MAPK9: variants seen among roughly 807,000 people sequenced by gnomAD.
The protein encoded by MAPK9 is mitogen-activated protein kinase 9.
MAPK9 carries 30 observed loss-of-function variants against 57.1 expected under a neutral mutation model. That is an observed-to-expected ratio of 0.53 (90% CI 0.39 to 0.71). The LOEUF is 0.71. MAPK9 is among the 30% of genes least tolerant of loss of function. The pLI, the probability that MAPK9 is intolerant of heterozygous loss-of-function variation, is 0.00. For missense variants in MAPK9, 362 were observed against 521.0 expected (o/e 0.69, Z 2.97); for synonymous variants, 155 against 177.0 (o/e 0.88, Z 0.99).
chr5:180,257,280 C>T (rs1475746209), intron 5 of MAPK9, among the ~76,000 whole-genome samples: 1 of 152,176 alleles, frequency 6.6e-6, no homozygotes, highest in Non-Finnish European at 1.5e-5. Flanking sequence ...GTGATGGAAC[C>T]AATCTTTCCT....
Position 180,267,540 on chromosome 5 carries a change from C to T in MAPK9, c.252+1740G>A, listed in dbSNP as rs190459583. On this transcript the variant is annotated intron_variant, in intron 3 of 11. Transcript: ENST00000452135. ...TCGCGCCACTGCCCTCCAGGTTGGG[C>T]GACAGAGCGAGACTCCGTCTCAAAA... Among the ~76,000 whole-genome samples, 385 of 123,244 alleles carry T rather than the reference C, an allele frequency of 3.1e-3. 2 individuals carry two copies. The highest frequency in any genetic ancestry group is 9.5e-3 in the African/African-American group (304 of 32,070). 80.9% of individuals were successfully genotyped at this position (123,244 alleles called of 152,430 possible).
chr5:180,261,078 C>T (rs1759903791), intron 5 of MAPK9, among the ~76,000 whole-genome samples: 1 of 152,162 alleles, frequency 6.6e-6, no homozygotes, highest in Admixed American at 6.5e-5. Context: ...TTTTTCCTGA[C>T]AGTACAGTCA....
chr5:180,281,589 C>T (rs1191542808), intron 1 of MAPK9, among the ~76,000 whole-genome samples: 1 of 152,222 alleles, frequency 6.6e-6, no homozygotes, highest in Non-Finnish European at 1.5e-5. Flanking sequence ...ATGTATTCTA[C>T]AGCTCTGTCA....
intron 7 of MAPK9, among the ~76,000 whole-genome samples, chr5:180,244,778 GAA>G (rs77077681): frequency 0.42 from 53,721 of 127,346 alleles, 11,099 homozygotes; most frequent in East Asian, 0.71. Context: ...TGTCTCAAAG[GAA>G]AAAAAAAAAA....
At chr5:180,280,351 T>G in intron 2 of MAPK9, 89 bp downstream of exon 2, 1 of 1,506,438 alleles carries the variant, frequency 6.6e-7, no homozygotes, top group East Asian at 2.3e-5. Context: ...TTTTTTTTAA[T>G]CATCAATGTT....
At chr5:180,276,512 T>C (rs576411725) in intron 2 of MAPK9, among the ~76,000 whole-genome samples, 53 of 152,354 alleles carry the variant, frequency 3.5e-4, no homozygotes, top group Non-Finnish European at 5.6e-4. Flanking sequence ...AATTATTTAA[T>C]TGTACTATAA....
rs35324217 is a variant in MAPK9 at position 180,254,542 on chromosome 5, T to G, written c.451-5404A>C. Among the ~76,000 whole-genome samples the G allele has an allele frequency of 5.9e-5, 9 of 152,330 alleles. No homozygotes were observed. The East Asian group carries it at 1.7e-3, about 29-fold the overall frequency. On this transcript the variant is annotated intron_variant, in intron 5 of 11. Coordinates refer to ENST00000452135, the MANE Select transcript of MAPK9 (RefSeq NM_002752.5). ...AAAGAATGGAGTTAAGAGGACATTC[T>G]GAAAGAAATGATATAAATTTCTCAG...
At chr5:180,249,669 G>A (rs1758476906) in intron 5 of MAPK9, among the ~76,000 whole-genome samples, 1 of 152,222 alleles carries the variant, frequency 6.6e-6, no homozygotes, top group Admixed American at 6.5e-5. Flanking sequence ...TGCGAACGAT[G>A]TGTATAATTT....
At position 180,234,635 on chromosome 5, in the gene MAPK9, A is replaced by C. The variant is rs902969442; in HGVS notation, c.*1749T>G. 1 of 152,192 alleles carries C rather than the reference A, an allele frequency of 6.6e-6. No homozygotes were observed. The highest frequency in any genetic ancestry group is 2.4e-5 in the African/African-American group (1 of 41,452). 9.4% of individuals were successfully genotyped at this position (152,192 alleles called of 1,614,324 possible). On this transcript the variant is annotated 3_prime_UTR_variant, in exon 12 of 12. Coordinates refer to ENST00000452135, the MANE Select transcript of MAPK9 (RefSeq NM_002752.5). Reference sequence around the variant, plus strand: ...AGTGAAGTCTTTTAAAAGAAAGTGTATTACAGAGAAGGCCATTTTAAGATG... The same window carrying C: ...AGTGAAGTCTTTTAAAAGAAAGTGTCTTACAGAGAAGGCCATTTTAAGATG...
intron 5 of MAPK9, among the ~76,000 whole-genome samples, chr5:180,256,700 G>A (rs1282387707): frequency 6.6e-6 from 1 of 152,068 alleles, no homozygotes; most frequent in Non-Finnish European, 1.5e-5. Context: ...CACTCCTTTG[G>A]GCCCCATCTG....
chr5:180,270,834 C>A (rs1761203309), intron 2 of MAPK9, among the ~76,000 whole-genome samples: 1 of 129,006 alleles, frequency 7.8e-6, no homozygotes, highest in Non-Finnish European at 1.6e-5. Context: ...GGGTGACAGA[C>A]TGAGACCCTG....
At chr5:180,243,833 C>G (rs1757844968) in intron 7 of MAPK9, among the ~76,000 whole-genome samples, 1 of 152,140 alleles carries the variant, frequency 6.6e-6, no homozygotes, top group African/African-American at 2.4e-5. Context: ...TGTCTCACAC[C>G]TTTTCCTTCT....
rs1757150895 is a variant in MAPK9, at chr5:180,236,032, C to T, written c.*352G>A. On this transcript the variant is annotated 3_prime_UTR_variant, in exon 12 of 12. Coordinates refer to ENST00000452135, the MANE Select transcript of MAPK9 (RefSeq NM_002752.5). ...ACTGATTTCCAAAGTGCTAGATGGG[C>T]AAGTCCAAGCAAGCATTTGTGGTCA... The T allele has an allele frequency of 6.1e-6, 1 of 163,994 alleles. No homozygotes were observed. The highest frequency in any genetic ancestry group is 1.7e-4 in the East Asian group (1 of 5,836). The allele number at this position is 163,994 out of a possible 1,614,324, so 10.2% of individuals were successfully genotyped here.
At chr5:180,259,467 G>A (rs1212800057) in intron 5 of MAPK9, among the ~76,000 whole-genome samples, 1 of 152,070 alleles carries the variant, frequency 6.6e-6, no homozygotes, top group Non-Finnish European at 1.5e-5. Flanking sequence ...TGACTGTAAG[G>A]AATGTGGTCA....
chr5:180,282,318 G>T (rs184551091), intron 1 of MAPK9, among the ~76,000 whole-genome samples: 43 of 152,330 alleles, frequency 2.8e-4, no homozygotes, highest in African/African-American at 1.0e-3. Context: ...CACGAAAGTG[G>T]TAAGTATAGC....
At chr5:180,277,241 T>G (rs1365453042) in intron 2 of MAPK9, among the ~76,000 whole-genome samples, 1 of 152,236 alleles carries the variant, frequency 6.6e-6, no homozygotes, top group Non-Finnish European at 1.5e-5. Context: ...ACTTACTATC[T>G]TACAGTTCTG....
At chr5:180,236,946 C>T (rs1757219957) in intron 11 of MAPK9, 1 of 152,942 alleles carries the variant, frequency 6.5e-6, no homozygotes, top group Non-Finnish European at 1.5e-5. Flanking sequence ...ATAACATAAA[C>T]ACTAAATCTA....
intron 1 of MAPK9, among the ~76,000 whole-genome samples, chr5:180,285,358 C>T (rs1268204542): frequency 6.6e-6 from 1 of 152,172 alleles, no homozygotes; most frequent in Non-Finnish European, 1.5e-5. Context: ...GAAAGTGAAG[C>T]TATTTGCACA....
intron 5 of MAPK9, among the ~76,000 whole-genome samples, chr5:180,260,282 A>G (rs762829317): frequency 2.0e-5 from 3 of 152,216 alleles, no homozygotes; most frequent in Non-Finnish European, 4.4e-5. Context: ...CAAACTGGAG[A>G]TGGATCTTTA....
Sources: gnomAD v4.1 joint callset for allele counts (sites outside exome capture counted in the v4.1 genomes callset) on GRCh38, gnomAD v4.1.1 for gene constraint, MANE v1.5 for transcripts, NCBI Gene and HGNC (gene_info 2026-07-23, HGNC 2026-07-21) for gene names.